CLMN: variants seen among roughly 807,000 people sequenced by gnomAD.
The protein encoded by CLMN is calmin (calponin-like, transmembrane).
Under a neutral mutation model 92.7 loss-of-function variants are expected in CLMN, and 57 were observed. The observed-to-expected ratio is 0.61, with a 90% CI of 0.50 to 0.77. CLMN has a LOEUF of 0.77. CLMN is among the 30% of genes least tolerant of loss of function. CLMN has a pLI of 0.00. For missense variants in CLMN, 1,158 were observed against 1,237.5 expected (o/e 0.94, Z 0.96); for synonymous variants, 466 against 470.6 (o/e 0.99, Z 0.13).
intron 1 of CLMN, chr14:95,296,028 C>T (rs1900796331): frequency 6.6e-6 from 1 of 152,190 alleles, no homozygotes; most frequent in Non-Finnish European, 1.5e-5. Flanking sequence ...GGCACTATTC[C>T]CTCTGGAGGT....
intron 1 of CLMN, among the ~76,000 whole-genome samples, chr14:95,270,038 CAG>C (rs756576575): frequency 1.8e-4 from 27 of 152,148 alleles, no homozygotes; most frequent in Non-Finnish European, 3.7e-4. Context: ...AATAAGAAAA[CAG>C]AACCTAAGAA....
intron 1 of CLMN, among the ~76,000 whole-genome samples, chr14:95,297,259 G>T (rs1025408535): frequency 7.2e-5 from 11 of 152,130 alleles, no homozygotes; most frequent in African/African-American, 2.7e-4. Flanking sequence ...AACCAAAATG[G>T]CCACTTTTGT....
intron 1 of CLMN, among the ~76,000 whole-genome samples, chr14:95,264,407 A>G (rs989434407): frequency 5.3e-5 from 8 of 152,150 alleles, no homozygotes; most frequent in Non-Finnish European, 1.5e-5. Context: ...TCGAGGCCCC[A>G]CTTAGCAGCT....
At chr14:95,243,050 T>C (rs1209085355) in intron 1 of CLMN, among the ~76,000 whole-genome samples, 1 of 152,224 alleles carries the variant, frequency 6.6e-6, no homozygotes, top group African/African-American at 2.4e-5. Context: ...GTGTGAAAGC[T>C]GCCAAAACAC....
At chr14:95,287,152 T>C (rs537464277) in intron 1 of CLMN, among the ~76,000 whole-genome samples, 1 of 152,322 alleles carries the variant, frequency 6.6e-6, no homozygotes, top group South Asian at 2.1e-4. Context: ...GCAATTCTAA[T>C]GGTCTGACTT....
At chr14:95,225,810 C>G (rs74078318) in intron 2 of CLMN, among the ~76,000 whole-genome samples, 1 of 152,186 alleles carries the variant, frequency 6.6e-6, no homozygotes, top group Non-Finnish European at 1.5e-5. Context: ...GAGCCAGAAG[C>G]CCCCTGGGCT....
At chr14:95,263,366 T>A (rs1400217414) in intron 1 of CLMN, among the ~76,000 whole-genome samples, 1 of 152,140 alleles carries the variant, frequency 6.6e-6, no homozygotes, top group African/African-American at 2.4e-5. Flanking sequence ...TCCCGCCAGG[T>A]TGGTCCCATG....
intron 1 of CLMN, among the ~76,000 whole-genome samples, chr14:95,247,747 C>G (rs1898626055): frequency 6.6e-6 from 1 of 152,142 alleles, no homozygotes; most frequent in Non-Finnish European, 1.5e-5. Context: ...CTTGGAAATT[C>G]AGAATGGGAC....
chr14:95,314,616 G>C (rs1268329787), intron 1 of CLMN, among the ~76,000 whole-genome samples: 1 of 152,338 alleles, frequency 6.6e-6, no homozygotes, highest in Admixed American at 6.5e-5. Flanking sequence ...TTGCAACAAA[G>C]CCAGGACCCT....
At chr14:95,249,673 C>A (rs139935380) in intron 1 of CLMN, among the ~76,000 whole-genome samples, 1 of 152,060 alleles carries the variant, frequency 6.6e-6, no homozygotes, top group African/African-American at 2.4e-5. Flanking sequence ...CTCACTGCAA[C>A]CTCCGCCTTC....
chr14:95,227,649 T>C (rs957977891), intron 2 of CLMN, among the ~76,000 whole-genome samples: 8 of 152,062 alleles, frequency 5.3e-5, no homozygotes, highest in African/African-American at 1.9e-4. Flanking sequence ...TTGGCCGGAG[T>C]CCATCCTGCG....
chr14:95,244,712 C>T (rs1898392598), intron 1 of CLMN, among the ~76,000 whole-genome samples: 2 of 152,152 alleles, frequency 1.3e-5, no homozygotes, highest in Admixed American at 1.3e-4. Context: ...TGTTAGGGGT[C>T]AATTTTTACG....
chr14:95,265,254 T>C (rs1899427689), intron 1 of CLMN, among the ~76,000 whole-genome samples: 1 of 148,494 alleles, frequency 6.7e-6, no homozygotes. Context: ...AAAAAAAAAA[T>C]CCCCAGCTGA....
chr14:95,305,702 C>A (rs547249060), intron 1 of CLMN, among the ~76,000 whole-genome samples: 1 of 152,270 alleles, frequency 6.6e-6, no homozygotes, highest in South Asian at 2.1e-4. Context: ...ATTAAGGGCA[C>A]AGCATAATGG....
chr14:95,222,201 C>T (rs921689625), intron 3 of CLMN, among the ~76,000 whole-genome samples: 21 of 152,176 alleles, frequency 1.4e-4, no homozygotes, highest in Admixed American at 7.2e-4. Context: ...GTCAGCATCA[C>T]GGCTCAGCTG....
chr14:95,300,202 C>T (rs1218433685), intron 1 of CLMN, among the ~76,000 whole-genome samples: 4 of 152,202 alleles, frequency 2.6e-5, no homozygotes, highest in Non-Finnish European at 5.9e-5. Context: ...GCTGAGACCA[C>T]ATCCTGCCCC....
chr14:95,229,441 T>C (rs1349932124), intron 2 of CLMN, among the ~76,000 whole-genome samples: 7 of 152,090 alleles, frequency 4.6e-5, no homozygotes, highest in Admixed American at 4.6e-4. Context: ...AACAGAGGAA[T>C]AGAAGGGCCA....
intron 1 of CLMN, among the ~76,000 whole-genome samples, chr14:95,242,681 C>T (rs530066519): frequency 1.3e-5 from 2 of 152,218 alleles, no homozygotes; most frequent in East Asian, 3.9e-4. Context: ...GATTCTCCTG[C>T]CTCAGCCTCC....
intron 1 of CLMN, among the ~76,000 whole-genome samples, chr14:95,295,886 C>T (rs190940830): frequency 1.1e-4 from 16 of 152,336 alleles, no homozygotes; most frequent in South Asian, 1.0e-3. Flanking sequence ...GAGGCTCCCC[C>T]GATCACAAGT....
Sources: gnomAD v4.1 joint callset for allele counts (sites outside exome capture counted in the v4.1 genomes callset) on GRCh38, gnomAD v4.1.1 for gene constraint, MANE v1.5 for transcripts, NCBI Gene and HGNC (gene_info 2026-07-23, HGNC 2026-07-21) for gene names.